TMPO: variants seen among roughly 807,000 people sequenced by gnomAD.
TMPO encodes thymopoietin.
A neutral mutation model predicts 45.4 loss-of-function variants in TMPO; 22 were observed. That is an observed-to-expected ratio of 0.48 (90% CI 0.35 to 0.69). The LOEUF is 0.69. Among genes scored for constraint, TMPO ranks in the 30% least tolerant of loss-of-function variants. The pLI is 0.01. For synonymous variants in TMPO, 241 were observed against 204.1 expected, an observed-to-expected ratio of 1.18 and a Z score of -1.54; for missense variants, 512 against 548.8, an observed-to-expected ratio of 0.93 and a Z score of 0.67.
At chr12:98,534,085 C>A (rs369379490) in intron 3 of TMPO, 3 of 1,612,114 alleles carry the variant, frequency 1.9e-6, no homozygotes, top group Non-Finnish European at 2.5e-6. Flanking sequence ...AGATCCTAGT[C>A]GTACCCACCA....
chr12:98,539,788 A>AT (rs1165362925), intron 4 of TMPO, among the ~76,000 whole-genome samples: 1 of 151,888 alleles, frequency 6.6e-6, no homozygotes, highest in East Asian at 1.9e-4. Context: ...ATTGCTTTTG[A>AT]TTTTTTTTAT....
chr12:98,530,317 A>G (rs1565809461), intron 2 of TMPO, among the ~76,000 whole-genome samples: 1 of 152,126 alleles, frequency 6.6e-6, no homozygotes, highest in South Asian at 2.1e-4. Context: ...AGCCTGGGCA[A>G]CAGAGCAAGA....
intron 1 of TMPO, among the ~76,000 whole-genome samples, chr12:98,518,716 T>G (rs917147297): frequency 3.3e-5 from 5 of 151,136 alleles, no homozygotes; most frequent in Middle Eastern, 3.4e-3. Context: ...ATGTAAAAAT[T>G]TTTTAATTAA....
At chr12:98,544,873 A>G in intron 6 of TMPO, 78 bp from the exon 7 acceptor site, 1 of 1,199,004 alleles carries the variant, frequency 8.3e-7, no homozygotes, top group East Asian at 2.3e-5. Context: ...TTACAGAGAT[A>G]AAATATCTTT....
intron 1 of TMPO, among the ~76,000 whole-genome samples, chr12:98,522,590 C>T (rs1436276207): frequency 1.3e-5 from 2 of 152,162 alleles, no homozygotes; most frequent in Admixed American, 6.5e-5. Context: ...GGAGTACATG[C>T]CATTGCATAT....
intron 3 of TMPO, chr12:98,533,409 G>C (rs1877339698): frequency 6.2e-7 from 1 of 1,614,076 alleles, no homozygotes. Flanking sequence ...TCAATTCTCT[G>C]TTGGTCCAGG....
At chr12:98,522,095 A>G (rs1277116631) in intron 1 of TMPO, among the ~76,000 whole-genome samples, 1 of 151,946 alleles carries the variant, frequency 6.6e-6, no homozygotes, top group Non-Finnish European at 1.5e-5. Context: ...GTGCAGTGGT[A>G]TGATCATAGC....
Position 98,515,709 on chromosome 12 carries a change from G to C in TMPO, c.-159G>C, listed in dbSNP as rs1592923670. 1 of 1,480,040 alleles carries C rather than the reference G, an allele frequency of 6.8e-7. No homozygotes were observed. The highest frequency in any genetic ancestry group is 9.1e-7 in the Non-Finnish European group (1 of 1,104,434). 91.7% of individuals were successfully genotyped at this position (1,480,040 alleles called of 1,614,324 possible). A position where few individuals can be genotyped will look rare whatever the true frequency, so the allele number is the denominator to read the frequency against. Reference sequence around the variant, plus strand: ...GTCTTTTGTGTCCGGGTCTGGCTTGGCTTTGTGTCCGCGAGTTTTTGTTCC... The same window carrying C: ...GTCTTTTGTGTCCGGGTCTGGCTTGCCTTTGTGTCCGCGAGTTTTTGTTCC... On this transcript the variant is annotated 5_prime_UTR_variant, in exon 1 of 9. Transcript: ENST00000556029.
chr12:98,529,215 G>A lies in TMPO; in HGVS notation c.406+1203G>A, dbSNP rs972224849. Reference sequence around the variant, plus strand: ...ATTACAGGCACCTGCCACCATGCCCGGCTAATTTTTATATTTTTAGTAGAG... The same window carrying A: ...ATTACAGGCACCTGCCACCATGCCCAGCTAATTTTTATATTTTTAGTAGAG... On this transcript the variant is annotated intron_variant, in intron 2 of 8. Coordinates refer to ENST00000556029, the MANE Select transcript of TMPO (RefSeq NM_001032283.3). Among the ~76,000 whole-genome samples the A allele has an allele frequency of 4.0e-5, 6 of 151,730 alleles. No individual in the cohort carries two copies. The East Asian group carries it at 7.8e-4, about 20-fold the overall frequency.
rs911828964 is a variant in TMPO at position 98,532,219 on chromosome 12, A to G, written c.565+381A>G. ...CTTTCAAGTTTTATATTTCACATAC[A>G]CATCTGTCTAATACATGGTATTATT... On this transcript the variant is annotated intron_variant, in intron 3 of 8. Coordinates refer to ENST00000556029, the MANE Select transcript of TMPO (RefSeq NM_001032283.3). 2.1e-5 allele frequency: 4 copies of G among 190,746 alleles called. No homozygotes were observed. In the East Asian group the frequency reaches 4.3e-4, roughly 20 times the overall value. 11.8% of individuals were successfully genotyped at this position (190,746 alleles called of 1,614,324 possible).
At chr12:98,533,420 G>T in intron 3 of TMPO, 1 of 1,614,190 alleles carries the variant, frequency 6.2e-7, no homozygotes, top group African/African-American at 1.3e-5. Flanking sequence ...TTGGTCCAGG[G>T]TGGGGTAGGT....
chr12:98,549,478 G>T lies in TMPO; in HGVS notation c.*1620G>T, dbSNP rs1393432384. The T allele has an allele frequency of 6.6e-6, 1 of 151,986 alleles. No individual in the cohort carries two copies. Among genetic ancestry groups the T allele is most frequent in the Non-Finnish European group, 1.5e-5 (1 of 68,004 alleles). The allele number at this position is 151,986 out of a possible 1,614,324, so 9.4% of individuals were successfully genotyped here. ...CACCCGGCCGGCATTATGATTTTGT[G>T]TACTCTTGAAATGGTTATCTTTGTG... On this transcript the variant is annotated 3_prime_UTR_variant, in exon 9 of 9. Transcript: ENST00000556029.
chr12:98,540,851 A>G (rs2121238645), intron 4 of TMPO, among the ~76,000 whole-genome samples: 1 of 152,354 alleles, frequency 6.6e-6, no homozygotes, highest in Non-Finnish European at 1.5e-5. Context: ...TAGGAGGTAT[A>G]GAATGTCTTT....
chr12:98,516,808 TTTTA>T lies in TMPO; in HGVS notation c.279+674_279+677del, dbSNP rs766843987. 1.5e-4 allele frequency among the ~76,000 whole-genome samples: 23 copies of T among 152,290 alleles called. No homozygotes were observed. The East Asian group carries it at 3.1e-3, about 20-fold the overall frequency. ...TAGGCGCCTATTATAATTTTTTAGTTTTTATTTATTTATTTTTTTAGATGGAGTG... is the reference window on the plus strand; with the variant it reads ...TAGGCGCCTATTATAATTTTTTAGTTTTTATTTATTTTTTTAGATGGAGTG... On this transcript the variant is annotated intron_variant, in intron 1 of 8. Transcript: ENST00000556029.
Position 98,547,824 on chromosome 12 carries a change from A to C in TMPO, c.1331A>C (p.Asn444Thr), listed in dbSNP as rs1272383374. 2 of 1,613,750 alleles carry C rather than the reference A, an allele frequency of 1.2e-6. No homozygotes were observed. Among genetic ancestry groups the C allele is most frequent in the Non-Finnish European group, 1.7e-6 (2 of 1,180,000 alleles). The change falls in exon 9 of 9, where the codon AAT (asparagine) becomes ACT (threonine). Residue 444 changes from asparagine (N) to threonine (T), a missense_variant. Coordinates refer to ENST00000556029, the MANE Select transcript of TMPO (RefSeq NM_001032283.3). ...METNQVNPFSNFLHVDPRKSN is the reference protein window; with the variant it reads ...METNQVNPFSTFLHVDPRKSN ...ACCAACCAAGTAAATCCCTTCTCTA[A>C]TTTTCTTCATGTTGACCCTAGAAAA...
chr12:98,525,521 A>G (rs1876695919), intron 1 of TMPO, among the ~76,000 whole-genome samples: 1 of 152,084 alleles, frequency 6.6e-6, no homozygotes, highest in Non-Finnish European at 1.5e-5. Flanking sequence ...CGGGCATAAC[A>G]TTTGGGGTCA....
At chr12:98,528,105 G>A in intron 2 of TMPO, 93 bp downstream of exon 2, 1 of 1,456,938 alleles carries the variant, frequency 6.9e-7, no homozygotes, top group South Asian at 1.2e-5. Context: ...AGGTTCCAAG[G>A]ACTGGTTTGT....
intron 4 of TMPO, among the ~76,000 whole-genome samples, chr12:98,538,235 G>A (rs76069997): frequency 6.6e-6 from 1 of 152,144 alleles, no homozygotes; most frequent in Non-Finnish European, 1.5e-5. Context: ...GACTAATGCA[G>A]CATTGATTTG....
chr12:98,517,694 A>C (rs1875970666), intron 1 of TMPO, among the ~76,000 whole-genome samples: 1 of 152,382 alleles, frequency 6.6e-6, no homozygotes, highest in South Asian at 2.1e-4. Flanking sequence ...AGTAGTGCCA[A>C]ATATTTGTAC....
Sources: allele counts gnomAD v4.1 joint callset (sites outside exome capture counted in the v4.1 genomes callset), GRCh38; gene constraint gnomAD v4.1.1; transcripts MANE v1.5; gene names NCBI Gene and HGNC (gene_info 2026-07-23, HGNC 2026-07-21).